Variants in IMMP2L observed in about 807,000 individuals in gnomAD.
The protein encoded by IMMP2L is mitochondrial inner membrane protease subunit 2.
A neutral mutation model predicts 19.3 loss-of-function variants in IMMP2L; 18 were observed. That is an observed-to-expected ratio of 0.93 (90% CI 0.64 to 1.38). The LOEUF is 1.38. IMMP2L is among the 40% of genes most tolerant of loss of function. The pLI is 0.00. For synonymous variants in IMMP2L, 76 were observed against 73.0 expected (o/e 1.04, Z -0.21); for missense variants, 233 against 218.2 (o/e 1.07, Z -0.43).
intron 3 of IMMP2L, among the ~76,000 whole-genome samples, chr7:111,358,891 T>C (rs1055911957): frequency 2.6e-5 from 4 of 152,146 alleles, no homozygotes; most frequent in Non-Finnish European, 5.9e-5. Flanking sequence ...AGATAATCAT[T>C]GTCGACATAC....
intron 3 of IMMP2L, chr7:111,125,379 G>A (rs1474864610): frequency 6.0e-6 from 1 of 167,084 alleles, no homozygotes; most frequent in East Asian, 1.9e-4. Flanking sequence ...TCTTTTATAA[G>A]GAAAAATACA....
chr7:111,499,589 G>A (rs1465750770), intron 2 of IMMP2L, among the ~76,000 whole-genome samples: 3 of 152,042 alleles, frequency 2.0e-5, no homozygotes, highest in Non-Finnish European at 4.4e-5. Context: ...TGGAAAGACA[G>A]AAAGAAGATA....
At chr7:111,081,592 C>T (rs1009497340) in intron 3 of IMMP2L, among the ~76,000 whole-genome samples, 6 of 152,206 alleles carry the variant, frequency 3.9e-5, no homozygotes, top group Admixed American at 3.3e-4. Context: ...AGGCAAGACA[C>T]TAACTGCTAT....
chr7:110,932,151 A>G (rs532504069), intron 4 of IMMP2L, among the ~76,000 whole-genome samples: 1 of 152,160 alleles, frequency 6.6e-6, no homozygotes, highest in African/African-American at 2.4e-5. Context: ...CCACATCCCT[A>G]CACTACTGTT....
intron 2 of IMMP2L, among the ~76,000 whole-genome samples, chr7:111,496,574 G>C (rs1439436646): frequency 2.0e-5 from 3 of 152,138 alleles, no homozygotes; most frequent in Non-Finnish European, 4.4e-5. Context: ...ACAAGGAAGA[G>C]GAAAGGTAAA....
chr7:111,061,884 T>C (rs1266759894), intron 3 of IMMP2L, among the ~76,000 whole-genome samples: 1 of 152,196 alleles, frequency 6.6e-6, no homozygotes, highest in Admixed American at 6.5e-5. Context: ...GCTGCATGAA[T>C]ATTCTTCCAT....
intron 3 of IMMP2L, among the ~76,000 whole-genome samples, chr7:111,235,437 T>G (rs1814186380): frequency 6.6e-6 from 1 of 151,558 alleles, no homozygotes; most frequent in Non-Finnish European, 1.5e-5. Context: ...TGCCATTGCA[T>G]TCCAGCCTGG....
In IMMP2L at chr7:111,375,659, G is replaced by A. The variant is rs538085302; in HGVS notation, c.239+111579C>T. Among the ~76,000 whole-genome samples the A allele has an allele frequency of 1.1e-4, 17 of 152,102 alleles. No individual in the cohort carries two copies. The South Asian group carries it at 3.1e-3, about 28-fold the overall frequency. On this transcript the variant is annotated intron_variant, in intron 3 of 5. Coordinates refer to ENST00000405709, the MANE Select transcript of IMMP2L (RefSeq NM_032549.4). ...CCTGCCTCAGCCTCCCGAGTAGCTA[G>A]GATTACAGGTGTGCGCCACCATGCC...
chr7:110,799,008 A>G (rs1801060248), intron 5 of IMMP2L, among the ~76,000 whole-genome samples: 1 of 152,024 alleles, frequency 6.6e-6, no homozygotes, highest in African/African-American at 2.4e-5. Flanking sequence ...TGTAACTCAA[A>G]TAAGGCATTT....
intron 2 of IMMP2L, among the ~76,000 whole-genome samples, chr7:111,502,448 C>T (rs1261384478): frequency 6.6e-6 from 1 of 152,106 alleles, no homozygotes; most frequent in Non-Finnish European, 1.5e-5. Context: ...AGGAATTGAA[C>T]TCACCTCTGC....
rs556172771 is a variant in IMMP2L, at chr7:110,929,218, T to G, written c.305+34282A>C. 1.1e-4 allele frequency among the ~76,000 whole-genome samples: 16 copies of G among 152,292 alleles called. No individual in the cohort carries two copies. The South Asian group carries it at 3.3e-3, about 32-fold the overall frequency. Reference sequence around the variant, plus strand: ...GGAATAAATGTAGTAGGACAAAATCTTGGGAATTCTTAAGTTCTGTATCTC... The same window carrying G: ...GGAATAAATGTAGTAGGACAAAATCGTGGGAATTCTTAAGTTCTGTATCTC... On this transcript the variant is annotated intron_variant, in intron 4 of 5. Transcript: ENST00000405709.
At chr7:111,173,356 TAAC>T (rs1225507721) in intron 3 of IMMP2L, among the ~76,000 whole-genome samples, 1 of 151,574 alleles carries the variant, frequency 6.6e-6, no homozygotes, top group Non-Finnish European at 1.5e-5. Context: ...AAAAATTAAT[TAAC>T]AATACACAAT....
At chr7:111,160,875 A>G (rs771902430) in intron 3 of IMMP2L, among the ~76,000 whole-genome samples, 3 of 151,374 alleles carry the variant, frequency 2.0e-5, no homozygotes, top group Admixed American at 6.6e-5. Context: ...TTGAAAAATT[A>G]ATAAGAGAGC....
At chr7:111,487,104 T>C (rs796292933) in intron 3 of IMMP2L, 134 bp downstream of exon 3, 4 of 450,634 alleles carry the variant, frequency 8.9e-6, no homozygotes, top group Non-Finnish European at 1.6e-5. Flanking sequence ...AATTGATTTT[T>C]TAAAAATGCA....
rs373036746 is a variant in IMMP2L at position 110,737,497 on chromosome 7, GC to G, written c.409-73777del. On this transcript the variant is annotated intron_variant, in intron 5 of 5. Coordinates refer to ENST00000405709, the MANE Select transcript of IMMP2L (RefSeq NM_032549.4). ...TGGACTGGGAACCATACCCCCATCT[GC>G]CACAGCAGTCGCAGCAAGCCCACCC... is the stretch of plus-strand genomic sequence containing the variant. Among the ~76,000 whole-genome samples the G allele has an allele frequency of 2.1e-3, 320 of 152,246 alleles. 4 individuals are homozygous for G. Among genetic ancestry groups the G allele is most frequent in the African/African-American group, 7.2e-3 (301 of 41,560 alleles).
chr7:110,938,557 C>A (rs968775183), intron 4 of IMMP2L, among the ~76,000 whole-genome samples: 1 of 152,082 alleles, frequency 6.6e-6, no homozygotes, highest in Admixed American at 6.6e-5. Context: ...TCTATGTATG[C>A]CACTACAGCT....
At chr7:110,700,915 C>T (rs1489086207) in intron 5 of IMMP2L, among the ~76,000 whole-genome samples, 1 of 152,124 alleles carries the variant, frequency 6.6e-6, no homozygotes, top group Non-Finnish European at 1.5e-5. Context: ...AACTGGAATG[C>T]ACTATAACAT....
intron 3 of IMMP2L, among the ~76,000 whole-genome samples, chr7:111,127,188 G>C (rs189307375): frequency 6.6e-6 from 1 of 152,292 alleles, no homozygotes; most frequent in East Asian, 1.9e-4. Context: ...TTATCAGCCA[G>C]ACATGCTCAT....
At chr7:110,982,393 A>G (rs1821393558) in intron 3 of IMMP2L, among the ~76,000 whole-genome samples, 2 of 152,284 alleles carry the variant, frequency 1.3e-5, no homozygotes, top group Non-Finnish European at 2.9e-5. Context: ...AAAGTCAAGT[A>G]GTTTTAGCTG....
Sources: allele counts gnomAD v4.1 joint callset (sites outside exome capture counted in the v4.1 genomes callset), GRCh38; gene constraint gnomAD v4.1.1; transcripts MANE v1.5; gene names NCBI Gene and HGNC (gene_info 2026-07-23, HGNC 2026-07-21).